SETBP1: variants seen among roughly 807,000 people sequenced by gnomAD.
SETBP1 encodes the protein SET-binding protein.
In SETBP1, 9 loss-of-function variants were observed where a neutral mutation model predicts 101.0. The observed-to-expected ratio is 0.09, with a 90% CI of 0.05 to 0.16. The LOEUF is 0.16. SETBP1 is among the 10% of genes least tolerant of loss of function. The pLI is 1.00. For missense variants in SETBP1, 1,858 were observed against 2,033.8 expected (o/e 0.91, Z 1.66); for synonymous variants, 818 against 788.5 (o/e 1.04, Z -0.63).
At chr18:44,808,986 T>C (rs140639611) in intron 2 of SETBP1, among the ~76,000 whole-genome samples, 1 of 152,196 alleles carries the variant, frequency 6.6e-6, no homozygotes, top group Admixed American at 6.5e-5. Flanking sequence ...GTTTTAATCA[T>C]TGGCAGCAGA....
chr18:45,015,350 G>T (rs978659583), intron 4 of SETBP1, among the ~76,000 whole-genome samples: 1 of 152,198 alleles, frequency 6.6e-6, no homozygotes, highest in African/African-American at 2.4e-5. Context: ...CCCTCTGCCA[G>T]ATCTATGGAT....
rs1156250216 is a variant in SETBP1, at chr18:45,063,144, A to C, written c.4237A>C (p.Lys1413Gln). 3.1e-6 allele frequency: 5 copies of C among 1,614,048 alleles called. No homozygotes were observed. Among genetic ancestry groups the C allele is most frequent in the Non-Finnish European group, 3.4e-6 (4 of 1,180,028 alleles). Residue 1413 changes from lysine to glutamine, a missense_variant, in exon 6 of 6, where the codon AAG becomes CAG. This residue lies in a region of SETBP1 where 417 missense variants were observed against 389.1 expected (regional missense o/e 1.07). Transcript: ENST00000649279. ...EIEAIQCEVR[K>Q]MCNYTKILST... ...CGAAGCCATCCAGTGCGAAGTGCGG[A>C]AGATGTGCAACTACACCAAGATCCT... is the stretch of plus-strand genomic sequence containing the variant.
intron 4 of SETBP1, among the ~76,000 whole-genome samples, chr18:45,028,460 G>A (rs1393399971): frequency 8.6e-5 from 13 of 151,982 alleles, no homozygotes; most frequent in East Asian, 3.9e-4. Context: ...GAATAGTGCC[G>A]CAATAAACAT....
intron 2 of SETBP1, among the ~76,000 whole-genome samples, chr18:44,767,005 A>G (rs1271088529): frequency 2.0e-5 from 3 of 152,238 alleles, no homozygotes; most frequent in South Asian, 2.1e-4. Context: ...GGTCTGTCCC[A>G]TGGAAGGGGG....
At chr18:44,954,004 G>C (rs933649715) in intron 4 of SETBP1, among the ~76,000 whole-genome samples, 1 of 152,178 alleles carries the variant, frequency 6.6e-6, no homozygotes, top group Non-Finnish European at 1.5e-5. Context: ...AGGCAGGCTG[G>C]AAGGTGATAT....
intron 2 of SETBP1, among the ~76,000 whole-genome samples, chr18:44,832,511 A>T (rs978086719): frequency 6.6e-6 from 1 of 152,188 alleles, no homozygotes; most frequent in Non-Finnish European, 1.5e-5. Context: ...GGTATGGCTG[A>T]ATTTCCTCCA....
intron 2 of SETBP1, among the ~76,000 whole-genome samples, chr18:44,783,537 A>G (rs2071177979): frequency 6.6e-6 from 1 of 152,214 alleles, no homozygotes; most frequent in African/African-American, 2.4e-5. Context: ...GGTAATGGTA[A>G]TTGTGCAACA....
intron 2 of SETBP1, among the ~76,000 whole-genome samples, chr18:44,845,878 C>T (rs1311008251): frequency 6.6e-6 from 1 of 152,188 alleles, no homozygotes; most frequent in African/African-American, 2.4e-5. Context: ...AGGTTGCGAG[C>T]CCTGTTGATG....
chr18:44,878,056 T>C (rs2069449435), intron 3 of SETBP1, among the ~76,000 whole-genome samples: 1 of 152,188 alleles, frequency 6.6e-6, no homozygotes, highest in Non-Finnish European at 1.5e-5. Context: ...TGGTTATTCT[T>C]ATGCAGAAAA....
At chr18:44,947,070 T>G (rs1435111526) in intron 3 of SETBP1, among the ~76,000 whole-genome samples, 5 of 152,186 alleles carry the variant, frequency 3.3e-5, no homozygotes, top group African/African-American at 1.2e-4. Context: ...GCCTAGTACT[T>G]CTGTGATGGT....
intron 4 of SETBP1, among the ~76,000 whole-genome samples, chr18:45,028,534 G>T (rs913350842): frequency 3.9e-5 from 6 of 152,132 alleles, no homozygotes; most frequent in African/African-American, 1.2e-4. Flanking sequence ...CCAGTAATGG[G>T]ATGGCTGGGT....
At position 45,063,715 on chromosome 18, in the gene SETBP1, T is replaced by C. The variant is rs1384432807; in HGVS notation, c.*17T>C. The C allele has an allele frequency of 6.3e-7, 1 of 1,599,254 alleles. No homozygotes were observed. The highest frequency in any genetic ancestry group is 8.5e-7 in the Non-Finnish European group (1 of 1,173,310). On this transcript the variant is annotated 3_prime_UTR_variant, in exon 6 of 6. Transcript: ENST00000649279. ...CTTCCCTAGGGCGGGTCTGGGCGTC[T>C]GCACCTGGGGCCTAGGGAACTGACA...
At chr18:44,934,874 A>T (rs973975775) in intron 3 of SETBP1, among the ~76,000 whole-genome samples, 2 of 152,202 alleles carry the variant, frequency 1.3e-5, no homozygotes, top group African/African-American at 4.8e-5. Context: ...GACGGAAGAC[A>T]GTCCACAAGT....
At chr18:45,061,506 T>TAA (rs2073890514) in intron 5 of SETBP1, among the ~76,000 whole-genome samples, 2 of 152,336 alleles carry the variant, frequency 1.3e-5, no homozygotes, top group South Asian at 4.1e-4. Context: ...GATCATTCAG[T>TAA]AGTTATTCAT....
chr18:44,795,714 T>C (rs558534270), intron 2 of SETBP1, among the ~76,000 whole-genome samples: 44 of 152,366 alleles, frequency 2.9e-4, no homozygotes, highest in Admixed American at 2.5e-3. Flanking sequence ...TTTAAAATCA[T>C]TGCTTAGAAA....
intron 2 of SETBP1, among the ~76,000 whole-genome samples, chr18:44,794,902 A>T (rs2071443080): frequency 1.3e-5 from 2 of 152,168 alleles, no homozygotes; most frequent in Admixed American, 1.3e-4. Context: ...AGCAGGAAAC[A>T]TTCATGGATG....
At chr18:44,720,632 C>T (rs976239007) in intron 2 of SETBP1, among the ~76,000 whole-genome samples, 3 of 152,032 alleles carry the variant, frequency 2.0e-5, no homozygotes, top group African/African-American at 4.8e-5. Flanking sequence ...ATGTTGTACC[C>T]GATGGTGGAA....
chr18:45,029,289 T>C (rs2073238883), intron 4 of SETBP1, among the ~76,000 whole-genome samples: 1 of 152,138 alleles, frequency 6.6e-6, no homozygotes, highest in Admixed American at 6.5e-5. Flanking sequence ...CATTGCTTGT[T>C]TTTCTCAGGT....
chr18:45,004,460 C>G (rs2072683498), intron 4 of SETBP1, among the ~76,000 whole-genome samples: 3 of 152,300 alleles, frequency 2.0e-5, no homozygotes, highest in African/African-American at 4.8e-5. Context: ...TATTGTGTAA[C>G]CAGCTGCCTG....
Sources: allele counts gnomAD v4.1 joint callset (sites outside exome capture counted in the v4.1 genomes callset), GRCh38; gene constraint gnomAD v4.1.1; regional missense constraint gnomAD v4.1.1; transcripts MANE v1.5; gene names NCBI Gene and HGNC (gene_info 2026-07-23, HGNC 2026-07-21).